The following KLB variants were observed in gnomAD, a reference collection of about 807,000 sequenced individuals.
KLB encodes klotho beta.
Under a neutral mutation model 88.4 loss-of-function variants are expected in KLB, and 44 were observed. The ratio of observed to expected loss-of-function variants is 0.50; its 90% CI spans 0.39 to 0.64. The LOEUF (loss-of-function observed/expected upper bound fraction) is 0.64. Among genes scored for constraint, KLB ranks in the 30% least tolerant of loss-of-function variants. The pLI is 0.00. For missense variants in KLB, 1,137 were observed against 1,304.8 expected (o/e 0.87, Z 1.98); for synonymous variants, 548 against 513.4 (o/e 1.07, Z -0.91).
intron 3 of KLB, among the ~76,000 whole-genome samples, chr4:39,443,765 A>T (rs1743671423): frequency 6.7e-6 from 1 of 149,360 alleles, no homozygotes; most frequent in Non-Finnish European, 1.5e-5. Context: ...TGTCAAAAAA[A>T]AAAAAAAAAA....
rs7685429 is a variant in KLB, at chr4:39,446,922, C to G, written c.2196C>G (p.Pro732=). 0.76 allele frequency: 1,220,211 copies of G among 1,604,292 alleles called. 464,893 individuals carry two copies. Among genetic ancestry groups the G allele is most frequent in the Admixed American group, 0.82 (49,199 of 59,804 alleles). ...GCCTCTACGACCGGCAGTTCAGGCC[C>G]TCACAGCGCGGGGCCGTGTCGCTGT... is the stretch of plus-strand genomic sequence containing the variant. ...AWRLYDRQFR[P]SQRGAVSLSL... is the part of the protein sequence containing the mutation. Residue 732 remains proline (P), a synonymous_variant, in exon 4 of 5, where the codon CCC becomes CCG. Transcript: ENST00000257408. The surrounding 1 kb of genome is among the most constrained non-coding windows in gnomAD (Gnocchi z 6.4).
chr4:39,424,777 T>C (rs1973107), intron 1 of KLB, among the ~76,000 whole-genome samples: 9,355 of 151,980 alleles, frequency 0.062, 839 homozygotes, highest in African/African-American at 0.2. Flanking sequence ...TACAGGCATG[T>C]GCCACCACGC....
At chr4:39,421,102 C>G (rs1016694189) in intron 1 of KLB, among the ~76,000 whole-genome samples, 1 of 152,118 alleles carries the variant, frequency 6.6e-6, no homozygotes, top group Non-Finnish European at 1.5e-5. Flanking sequence ...TTTTATTTCA[C>G]TCATTTCCAT....
chr4:39,438,410 C>T (rs1743528222), intron 3 of KLB, among the ~76,000 whole-genome samples: 1 of 152,104 alleles, frequency 6.6e-6, no homozygotes, highest in African/African-American at 2.4e-5. Flanking sequence ...GGTAATTTGC[C>T]TTCTGAGGTC....
At chr4:39,420,518 C>A (rs185810978) in intron 1 of KLB, among the ~76,000 whole-genome samples, 2 of 152,154 alleles carry the variant, frequency 1.3e-5, no homozygotes, top group Non-Finnish European at 2.9e-5. Flanking sequence ...CAGTTTCAAC[C>A]AATACCCTTG....
At chr4:39,448,242 T>C (rs1342932941) in intron 4 of KLB, 59 bp from the exon 5 acceptor site, 24 of 1,309,192 alleles carry the variant, frequency 1.8e-5, no homozygotes, top group Non-Finnish European at 2.5e-5. Flanking sequence ...AACTAAATTC[T>C]TCCTCAAAGA....
At chr4:39,428,738 C>T (rs1417378995) in intron 1 of KLB, among the ~76,000 whole-genome samples, 3 of 152,114 alleles carry the variant, frequency 2.0e-5, no homozygotes, top group Non-Finnish European at 4.4e-5. Flanking sequence ...TGGAGTTTTG[C>T]TCTTGTTGCC....
chr4:39,438,220 GA>G (rs1323729945), intron 3 of KLB, among the ~76,000 whole-genome samples: 1 of 152,190 alleles, frequency 6.6e-6, no homozygotes, highest in Non-Finnish European at 1.5e-5. Flanking sequence ...ATGGAGAGGT[GA>G]AGAGGCTGCC....
Position 39,407,384 on chromosome 4 carries a change from A to G in KLB, c.435A>G (p.Gly145=). ...ACTTATCAGCCCTGGATTTTATAGG[A>G]GTTTCTTTTTATCAATTTTCAATTT... is the stretch of plus-strand genomic sequence containing the variant. ...EKDLSALDFI[G]VSFYQFSISW... is the part of the protein sequence containing the mutation. The change falls in exon 1 of 5, where the codon GGA becomes GGG. Residue 145 remains glycine, a synonymous_variant. Coordinates refer to ENST00000257408, the MANE Select transcript of KLB (RefSeq NM_175737.4). 6.2e-7 allele frequency: 1 copy of G among 1,613,590 alleles called. No individual in the cohort carries two copies. Among genetic ancestry groups the G allele is most frequent in the Non-Finnish European group, 8.5e-7 (1 of 1,179,894 alleles).
intron 2 of KLB, among the ~76,000 whole-genome samples, chr4:39,435,252 G>A (rs1304137432): frequency 6.6e-6 from 1 of 151,678 alleles, no homozygotes; most frequent in Non-Finnish European, 1.5e-5. Context: ...TGAGTAGCTG[G>A]GATTACAGGT....
intron 1 of KLB, among the ~76,000 whole-genome samples, chr4:39,421,831 G>A (rs191083614): frequency 5.9e-5 from 9 of 151,270 alleles, no homozygotes; most frequent in Admixed American, 1.3e-4. Flanking sequence ...CCTAACCTCC[G>A]CCTCCCAGGC....
rs926982771 is a variant in KLB at position 39,446,019 on chromosome 4, T to G, written c.1606-313T>G. On this transcript the variant is annotated intron_variant, in intron 3 of 4. Coordinates refer to ENST00000257408, the MANE Select transcript of KLB (RefSeq NM_175737.4). The surrounding 1 kb of genome is among the most constrained non-coding windows in gnomAD (Gnocchi z 6.4). ...AATCTCTTTTGTAATTGCTTTTAAT[T>G]GAGTGTACCAAGCCAATTTCCTGAT... is the stretch of plus-strand genomic sequence containing the variant. Among the ~76,000 whole-genome samples, 2 of 152,152 alleles carry G rather than the reference T, an allele frequency of 1.3e-5. No homozygotes were observed. The highest frequency in any genetic ancestry group is 1.3e-4 in the Admixed American group (2 of 15,278).
chr4:39,439,451 GTTGTTTTTGTTTTTGTTT>G (rs60890231), intron 3 of KLB, among the ~76,000 whole-genome samples: 1 of 137,072 alleles, frequency 7.3e-6, no homozygotes. Flanking sequence ...TTTTGTTGCT[GTTGTTTTTGTTTTTGTTT>G]TTGTTTTTGT....
At chr4:39,433,499 T>C (rs146048112) in intron 1 of KLB, among the ~76,000 whole-genome samples, 1 of 152,326 alleles carries the variant, frequency 6.6e-6, no homozygotes, top group African/African-American at 2.4e-5. Context: ...ATTTATAGGA[T>C]TCAGGGCCTG....
intron 1 of KLB, among the ~76,000 whole-genome samples, chr4:39,416,285 G>A (rs1312606825): frequency 6.6e-6 from 1 of 151,858 alleles, no homozygotes; most frequent in African/African-American, 2.4e-5. Context: ...GTTTATTATT[G>A]TTTCTATTTT....
In KLB at chr4:39,407,558, AGAAAAATATGGGGGGTG is replaced by A. The variant is rs1458543997; in HGVS notation, c.617_633del (p.Tyr206Ter). 21 of 1,614,042 alleles carry A rather than the reference AGAAAAATATGGGGGGTG, an allele frequency of 1.3e-5. No individual in the cohort carries two copies. The highest frequency in any genetic ancestry group is 1.7e-5 in the Non-Finnish European group (20 of 1,179,994). ...ACTGGGATTTGCCTTTGGCACTACA[AGAAAAATATGGGGGGTG>A]GAAAAATGATACCATAATAGATATC... On this transcript the variant is annotated frameshift_variant, in exon 1 of 5. Transcript: ENST00000257408. LOFTEE classifies it high-confidence loss of function.
At chr4:39,422,082 T>C (rs566949558) in intron 1 of KLB, among the ~76,000 whole-genome samples, 1 of 152,186 alleles carries the variant, frequency 6.6e-6, no homozygotes, top group African/African-American at 2.4e-5. Context: ...CTCAGTCTAC[T>C]GTCCCTTGGT....
At chr4:39,416,108 G>GACACACACACACACACAC (rs34831449) in intron 1 of KLB, among the ~76,000 whole-genome samples, 1 of 142,986 alleles carries the variant, frequency 7.0e-6, no homozygotes, top group Non-Finnish European at 1.5e-5. Flanking sequence ...GTAGATTGCA[G>GACACACACACACACACAC]ACACACACAC....
Position 39,424,924 on chromosome 4 carries a change from A to G in KLB, c.826-9286A>G, listed in dbSNP as rs535173830. Among the ~76,000 whole-genome samples, 224 of 152,044 alleles carry G rather than the reference A, an allele frequency of 1.5e-3. 1 individual carries two copies. Among genetic ancestry groups the G allele is most frequent in the African/African-American group, 5.3e-3 (218 of 41,474 alleles). ...GATTACAGGTGAGAGCTACTGTGCC[A>G]GGCCTCCATGGTGGTTTATATGTTG... On this transcript the variant is annotated intron_variant, in intron 1 of 4. Transcript: ENST00000257408.
Sources: gnomAD v4.1 joint callset for allele counts (sites outside exome capture counted in the v4.1 genomes callset) on GRCh38, gnomAD v4.1.1 for gene constraint, Gnocchi (gnomAD v3.1) non-coding constraint, MANE v1.5 for transcripts, NCBI Gene and HGNC (gene_info 2026-07-23, HGNC 2026-07-21) for gene names.